Variants in XRRA1 observed in about 807,000 individuals in gnomAD.
The protein encoded by XRRA1 is X-ray radiation resistance-associated protein 1.
In XRRA1, 69 loss-of-function variants were observed where a neutral mutation model predicts 80.2. That is an observed-to-expected ratio of 0.86 (90% confidence interval 0.71 to 1.05). The LOEUF is 1.05. Among genes scored for constraint, XRRA1 ranks in the 50% least tolerant of loss-of-function variants. The pLI, the probability that XRRA1 is intolerant of heterozygous loss-of-function variation, is 0.00. For missense variants in XRRA1, 967 were observed against 976.4 expected (o/e 0.99, Z 0.13); for synonymous variants, 348 against 389.9 (o/e 0.89, Z 1.27).
intron 12 of XRRA1, among the ~76,000 whole-genome samples, chr11:74,856,505 C>T (rs779087188): frequency 2.0e-5 from 3 of 152,190 alleles, no homozygotes; most frequent in Non-Finnish European, 4.4e-5. Flanking sequence ...AATACTGGCA[C>T]CTCCAAGGAG....
At chr11:74,871,980 C>G (rs1478050678) in intron 10 of XRRA1, among the ~76,000 whole-genome samples, 1 of 152,100 alleles carries the variant, frequency 6.6e-6, no homozygotes, top group African/African-American at 2.4e-5. Flanking sequence ...ATGTTTCTTA[C>G]AGTAGGCCAA....
chr11:74,942,791 C>T (rs2139985157), intron 2 of XRRA1, among the ~76,000 whole-genome samples: 1 of 152,360 alleles, frequency 6.6e-6, no homozygotes, highest in South Asian at 2.1e-4. Flanking sequence ...GCCTTAGTAT[C>T]TGCCACATGG....
chr11:74,943,393 C>T (rs1362439384), intron 2 of XRRA1, among the ~76,000 whole-genome samples: 1 of 152,208 alleles, frequency 6.6e-6, no homozygotes, highest in Non-Finnish European at 1.5e-5. Context: ...AGATTGTTCA[C>T]CACAGTCTGA....
chr11:74,895,175 C>G lies in XRRA1; in HGVS notation c.1003+11064G>C, dbSNP rs893590038. 7.9e-5 allele frequency among the ~76,000 whole-genome samples: 12 copies of G among 152,224 alleles called. No homozygotes were observed. The South Asian group carries it at 1.2e-3, about 16-fold the overall frequency. ...GAGGTATTGAGGAGGGCAGGAGAGACAGTCTTAAATCATCAATGCCACTCC... is the reference window on the plus strand; with the variant it reads ...GAGGTATTGAGGAGGGCAGGAGAGAGAGTCTTAAATCATCAATGCCACTCC... On this transcript the variant is annotated intron_variant, in intron 10 of 18. Coordinates refer to ENST00000684022, the MANE Select transcript of XRRA1 (RefSeq NM_001378157.1).
chr11:74,851,658 G>A (rs1330474932), intron 13 of XRRA1, among the ~76,000 whole-genome samples: 1 of 152,192 alleles, frequency 6.6e-6, no homozygotes, highest in Non-Finnish European at 1.5e-5. Context: ...AAAGCAGGGT[G>A]TGGTTCAAAA....
At chr11:74,892,009 G>C (rs918873752) in intron 10 of XRRA1, among the ~76,000 whole-genome samples, 108 of 152,098 alleles carry the variant, frequency 7.1e-4, no homozygotes, top group African/African-American at 2.5e-3. Flanking sequence ...AATGCCATCT[G>C]CATCAAGCTA....
At chr11:74,938,962 A>G (rs1025376718) in intron 3 of XRRA1, among the ~76,000 whole-genome samples, 1 of 152,188 alleles carries the variant, frequency 6.6e-6, no homozygotes, top group Admixed American at 6.5e-5. Flanking sequence ...AACATCCTAT[A>G]ATGGTTCTTA....
At chr11:74,882,244 CTTCATTTCA>C (rs1313582537) in intron 10 of XRRA1, among the ~76,000 whole-genome samples, 8 of 151,716 alleles carry the variant, frequency 5.3e-5, no homozygotes, top group Admixed American at 1.3e-4. Context: ...TCCCTTCTCG[CTTCATTTCA>C]TTCATTTCAT....
chr11:74,931,336 T>G (rs1001416852), intron 5 of XRRA1, among the ~76,000 whole-genome samples: 2 of 151,984 alleles, frequency 1.3e-5, no homozygotes, highest in Non-Finnish European at 2.9e-5. Flanking sequence ...ATTTTTTTTT[T>G]TTTTTTGAGA....
At chr11:74,931,618 C>T (rs899548531) in intron 5 of XRRA1, 2 of 152,230 alleles carry the variant, frequency 1.3e-5, no homozygotes, top group Admixed American at 1.3e-4. Context: ...AGCCACCACG[C>T]CTAGCCCTAG....
rs573075689 is a variant in XRRA1, at chr11:74,948,683, G to C, written c.-73+245C>G. ...AGGGCTGTTGTGGGACTCAGTGAGAGAGAGGATGGCTGGAAGTGCACATAG... is the reference window on the plus strand; with the variant it reads ...AGGGCTGTTGTGGGACTCAGTGAGACAGAGGATGGCTGGAAGTGCACATAG... On this transcript the variant is annotated intron_variant, in intron 1 of 18. Coordinates refer to ENST00000684022, the MANE Select transcript of XRRA1 (RefSeq NM_001378157.1). Among the ~76,000 whole-genome samples, 11 of 152,288 alleles carry C rather than the reference G, an allele frequency of 7.2e-5. No homozygotes were observed. In the South Asian group the frequency reaches 2.1e-3, roughly 29 times the overall value.
chr11:74,915,955 T>C lies in XRRA1; in HGVS notation c.656+5259A>G, dbSNP rs138526135. Among the ~76,000 whole-genome samples, 184 of 152,234 alleles carry C rather than the reference T, an allele frequency of 1.2e-3. 1 individual carries two copies. The East Asian group carries it at 0.02, about 17-fold the overall frequency. On this transcript the variant is annotated intron_variant, in intron 8 of 18. Coordinates refer to ENST00000684022, the MANE Select transcript of XRRA1 (RefSeq NM_001378157.1). ...GATGTAGGATTCCTGATTGACAGGTTTTTTTTTCTTTTAGCACTTTAAATA... is the reference window on the plus strand; with the variant it reads ...GATGTAGGATTCCTGATTGACAGGTCTTTTTTTCTTTTAGCACTTTAAATA...
rs201131189 is a variant in XRRA1, at chr11:74,913,830, A to AT, written c.657-6558dup. ...ATTCAGGGTACTACGATATGGATTA[A>AT]TTTTTTGTTGTTATCCAGGTATCTG... On this transcript the variant is annotated intron_variant, in intron 8 of 18. Coordinates refer to ENST00000684022, the MANE Select transcript of XRRA1 (RefSeq NM_001378157.1). 19 of 152,220 alleles carry AT rather than the reference A, an allele frequency of 1.2e-4. No individual in the cohort carries two copies. The East Asian group carries it at 3.7e-3, about 29-fold the overall frequency. 9.4% of individuals were successfully genotyped at this position (152,220 alleles called of 1,614,324 possible). A position where few individuals can be genotyped will look rare whatever the true frequency, so the allele number is the denominator to read the frequency against.
chr11:74,884,650 C>T (rs570072510), intron 10 of XRRA1, among the ~76,000 whole-genome samples: 4 of 152,290 alleles, frequency 2.6e-5, no homozygotes, highest in East Asian at 1.9e-4. Flanking sequence ...ATTAAACTTA[C>T]GCTCTCTTAA....
intron 16 of XRRA1, 70 bp downstream of exon 16, chr11:74,845,003 C>T (rs921796004): frequency 2.6e-5 from 39 of 1,524,668 alleles, no homozygotes; most frequent in Admixed American, 5.2e-5. Context: ...CCAGCCTTGG[C>T]TTGACCCTGA....
intron 10 of XRRA1, among the ~76,000 whole-genome samples, chr11:74,864,287 C>A (rs1348713073): frequency 2.6e-5 from 4 of 152,036 alleles, no homozygotes; most frequent in Non-Finnish European, 5.9e-5. Flanking sequence ...GAAGAATGGA[C>A]CCAGGTGAAC....
rs539498809 is a variant in XRRA1, at chr11:74,937,450, T to C, written c.95-382A>G. On this transcript the variant is annotated intron_variant, in intron 3 of 18. Coordinates refer to ENST00000684022, the MANE Select transcript of XRRA1 (RefSeq NM_001378157.1). ...CCTCAGTAGAGCTGATCCCTCTTTC[T>C]CATGCATGCCAGTTACTCTCCTATT... Among the ~76,000 whole-genome samples the C allele has an allele frequency of 1.2e-4, 19 of 152,264 alleles. No individual in the cohort carries two copies. The South Asian group carries it at 3.1e-3, about 25-fold the overall frequency.
At chr11:74,883,042 G>A (rs1048601264) in intron 10 of XRRA1, among the ~76,000 whole-genome samples, 19 of 152,224 alleles carry the variant, frequency 1.2e-4, no homozygotes, top group Non-Finnish European at 2.4e-4. Context: ...GCTCCACCCA[G>A]TTCGAGCTTC....
chr11:74,852,467 C>T (rs2040116596), intron 12 of XRRA1, among the ~76,000 whole-genome samples: 1 of 152,204 alleles, frequency 6.6e-6, no homozygotes, highest in Admixed American at 6.5e-5. Context: ...GGAAGGTTGG[C>T]AGGGCATTGA....
Sources: gnomAD v4.1 joint callset for allele counts (sites outside exome capture counted in the v4.1 genomes callset) on GRCh38, gnomAD v4.1.1 for gene constraint, MANE v1.5 for transcripts, NCBI Gene and HGNC (gene_info 2026-07-23, HGNC 2026-07-21) for gene names.